BICC1: variants seen among roughly 807,000 people sequenced by gnomAD.
The protein encoded by BICC1 is BicC family RNA binding protein 1, also known as protein bicaudal C homolog 1.
A neutral mutation model predicts 111.0 loss-of-function variants in BICC1; 43 were observed. That is an observed-to-expected ratio of 0.39 (90% CI 0.30 to 0.50). The LOEUF (loss-of-function observed/expected upper bound fraction) is 0.50, where lower values mean the gene tolerates loss of function less well. Ranked by LOEUF, BICC1 falls within the 20% of genes least tolerant of loss-of-function variation. The probability of loss-of-function intolerance (pLI) is 0.88; values close to 1 mark genes in which losing one functional copy is unlikely to be tolerated. For synonymous variants in BICC1, 467 were observed against 434.4 expected, an observed-to-expected ratio of 1.07 and a Z score of -0.93; for missense variants, 1,091 against 1,203.2, an observed-to-expected ratio of 0.91 and a Z score of 1.38.
intron 1 of BICC1, among the ~76,000 whole-genome samples, chr10:58,583,084 G>GT (rs1844325853): frequency 6.6e-6 from 1 of 152,110 alleles, no homozygotes; most frequent in Non-Finnish European, 1.5e-5. Flanking sequence ...CTAGTGTTCT[G>GT]TGTCTTAATA....
chr10:58,787,639 T>C (rs947070954), intron 5 of BICC1, among the ~76,000 whole-genome samples: 18 of 152,224 alleles, frequency 1.2e-4, no homozygotes, highest in Admixed American at 9.2e-4. Context: ...TATTTGGAAG[T>C]ATTCTCTCTT....
chr10:58,550,784 C>G (rs1271316200), intron 1 of BICC1, among the ~76,000 whole-genome samples: 1 of 151,984 alleles, frequency 6.6e-6, no homozygotes, highest in Non-Finnish European at 1.5e-5. Context: ...GTGTCTTGTT[C>G]CATTGACCAA....
intron 3 of BICC1, among the ~76,000 whole-genome samples, chr10:58,726,322 A>G (rs556714092): frequency 3.9e-5 from 6 of 152,322 alleles, no homozygotes; most frequent in South Asian, 4.1e-4. Flanking sequence ...TGGATTTTAC[A>G]TGTCTTATAA....
chr10:58,547,477 A>T (rs1226405404), intron 1 of BICC1, among the ~76,000 whole-genome samples: 1 of 152,002 alleles, frequency 6.6e-6, no homozygotes, highest in Admixed American at 6.6e-5. Flanking sequence ...TTTACTGTTG[A>T]TGTGAATCTT....
intron 19 of BICC1, among the ~76,000 whole-genome samples, chr10:58,819,356 G>A (rs1394011389): frequency 2.0e-5 from 3 of 151,994 alleles, no homozygotes; most frequent in Admixed American, 2.0e-4. Context: ...AATCAAAACA[G>A]GACAATTTAA....
chr10:58,563,219 A>G (rs1649050), intron 1 of BICC1, among the ~76,000 whole-genome samples: 5 of 152,080 alleles, frequency 3.3e-5, no homozygotes, highest in Admixed American at 6.5e-5. Context: ...GTAGTAGCTC[A>G]TCTCTCAATA....
chr10:58,581,787 T>C (rs1844288641), intron 1 of BICC1, among the ~76,000 whole-genome samples: 1 of 152,158 alleles, frequency 6.6e-6, no homozygotes, highest in South Asian at 2.1e-4. Flanking sequence ...AAAGCACATC[T>C]GTTTGTTTTC....
intron 3 of BICC1, among the ~76,000 whole-genome samples, chr10:58,712,933 GA>G (rs1279638804): frequency 6.6e-6 from 1 of 151,912 alleles, no homozygotes; most frequent in Non-Finnish European, 1.5e-5. Context: ...AAACTGCCCT[GA>G]AAAATAAAGT....
At chr10:58,755,970 T>G (rs1045127689) in intron 3 of BICC1, among the ~76,000 whole-genome samples, 16 of 152,218 alleles carry the variant, frequency 1.1e-4, no homozygotes, top group African/African-American at 3.9e-4. Context: ...TATGTCTGTT[T>G]TCACCCATCT....
intron 3 of BICC1, among the ~76,000 whole-genome samples, chr10:58,747,933 G>T (rs931599240): frequency 2.6e-5 from 4 of 152,042 alleles, no homozygotes; most frequent in Admixed American, 6.6e-5. Flanking sequence ...TTCGTGTTAC[G>T]GAGGCAGAGT....
chr10:58,688,224 G>T (rs558969040), intron 2 of BICC1, among the ~76,000 whole-genome samples: 1 of 152,046 alleles, frequency 6.6e-6, no homozygotes, highest in African/African-American at 2.4e-5. Context: ...TGCTGGCTCG[G>T]GTGGCCAGCT....
chr10:58,708,016 GTA>G (rs1840446895), intron 3 of BICC1, among the ~76,000 whole-genome samples: 6 of 26,686 alleles, frequency 2.2e-4, no homozygotes, highest in African/African-American at 9.0e-4. Context: ...TTTTTTTTTT[GTA>G]TTTTTAGTAG....
chr10:58,743,190 C>T (rs1841724545), intron 3 of BICC1, among the ~76,000 whole-genome samples: 1 of 152,104 alleles, frequency 6.6e-6, no homozygotes. Flanking sequence ...GGCTGGAATG[C>T]AGAATTCATG....
chr10:58,796,158 T>G (rs1589147138), intron 9 of BICC1, among the ~76,000 whole-genome samples, 182 bp from the exon 10 acceptor site: 1 of 152,350 alleles, frequency 6.6e-6, no homozygotes, highest in East Asian at 1.9e-4. Context: ...TTTAGGGTTT[T>G]GCCAGAAGGA....
At chr10:58,665,214 A>T (rs979474870) in intron 2 of BICC1, among the ~76,000 whole-genome samples, 4 of 152,186 alleles carry the variant, frequency 2.6e-5, no homozygotes, top group African/African-American at 4.8e-5. Flanking sequence ...GGGCATTCTC[A>T]GTGTTCCCAC....
intron 17 of BICC1, among the ~76,000 whole-genome samples, chr10:58,810,670 G>A (rs1478724003): frequency 6.6e-6 from 1 of 152,080 alleles, no homozygotes; most frequent in Non-Finnish European, 1.5e-5. Flanking sequence ...AGTGAGTATT[G>A]CCTCTATAGA....
chr10:58,789,232 C>G lies in BICC1; in HGVS notation c.601-30C>G, dbSNP rs1843102478. On this transcript the variant is annotated intron_variant, in intron 6 of 20. Coordinates refer to ENST00000373886, the MANE Select transcript of BICC1 (RefSeq NM_001080512.3). The stretch of plus-strand genomic sequence containing the variant: ...TCTGAATGTCTAATGCTTTAACTCT[C>G]TGCTTTGGATTCTCATCATTTCATT... The G allele has an allele frequency of 2.5e-6, 4 of 1,583,632 alleles. No individual in the cohort carries two copies. In the African/African-American group the frequency reaches 5.4e-5, roughly 21 times the overall value.
chr10:58,514,138 G>A (rs10763551), intron 1 of BICC1, among the ~76,000 whole-genome samples: 77,643 of 152,050 alleles, frequency 0.51, 20,283 homozygotes, highest in African/African-American at 0.61. Context: ...TTTATAATAC[G>A]AGTGTTGGAG....
rs546280140 is a variant in BICC1 at position 58,824,974 on chromosome 10, G to T, written c.2795-3787G>T. Among the ~76,000 whole-genome samples the T allele has an allele frequency of 3.9e-5, 6 of 152,188 alleles. No individual in the cohort carries two copies. In the South Asian group the frequency reaches 1.0e-3, roughly 26 times the overall value. ...TTTCAATTAACTTTTTACCTTTCCA[G>T]TTAATAATTTTAGTTGGCAAAAGAC... On this transcript the variant is annotated intron_variant, in intron 20 of 20. Coordinates refer to ENST00000373886, the MANE Select transcript of BICC1 (RefSeq NM_001080512.3).
Sources: allele counts gnomAD v4.1 joint callset (sites outside exome capture counted in the v4.1 genomes callset), GRCh38; gene constraint gnomAD v4.1.1; transcripts MANE v1.5; gene names NCBI Gene and HGNC (gene_info 2026-07-23, HGNC 2026-07-21).